Variants in MAST4 observed in about 807,000 individuals in gnomAD.
MAST4 encodes the protein microtubule associated serine/threonine kinase family member 4, also known as microtubule-associated serine/threonine-protein kinase 4.
A neutral mutation model predicts 162.7 loss-of-function variants in MAST4; 89 were observed. That is an observed-to-expected ratio of 0.55 (90% CI 0.46 to 0.65). The LOEUF (loss-of-function observed/expected upper bound fraction) is 0.65, where lower values mean the gene tolerates loss of function less well. Ranked by LOEUF, MAST4 falls within the 30% of genes least tolerant of loss-of-function variation. The probability of loss-of-function intolerance (pLI) is 0.00; values close to 1 mark genes in which losing one functional copy is unlikely to be tolerated. For missense variants in MAST4, 3,153 were observed against 3,374.0 expected, an observed-to-expected ratio of 0.93 and a Z score of 1.62; for synonymous variants, 1,479 against 1,361.1, an observed-to-expected ratio of 1.09 and a Z score of -1.91.
Position 67,163,043 on chromosome 5 carries a change from T to C in MAST4, c.3968-104T>C. 7.6e-7 allele frequency: 1 copy of C among 1,308,628 alleles called. No individual in the cohort carries two copies. The highest frequency in any genetic ancestry group is 1.1e-6 in the Non-Finnish European group (1 of 951,046). The allele number at this position is 1,308,628 out of a possible 1,614,324, so 81.1% of individuals were successfully genotyped here. Reference sequence around the variant, plus strand: ...TCCACTAGCTAAATGCTGAGACAATTTGCTGATCTTACCTGGCCTTACCTA... The same window carrying C: ...TCCACTAGCTAAATGCTGAGACAATCTGCTGATCTTACCTGGCCTTACCTA... On this transcript the variant is annotated intron_variant, in intron 28 of 28. Coordinates refer to ENST00000403625, the MANE Select transcript of MAST4 (RefSeq NM_001164664.2). This position sits in a 1 kb window ranked among gnomAD's most constrained non-coding sequence, Gnocchi z 7.0.
chr5:66,860,394 T>C (rs1248306302), intron 3 of MAST4, among the ~76,000 whole-genome samples: 1 of 152,174 alleles, frequency 6.6e-6, no homozygotes, highest in Non-Finnish European at 1.5e-5. Flanking sequence ...CAATAAAAAA[T>C]GCTATCCTGG....
chr5:67,146,209 G>A (rs1319457718), intron 23 of MAST4, among the ~76,000 whole-genome samples: 1 of 152,188 alleles, frequency 6.6e-6, no homozygotes, highest in African/African-American at 2.4e-5. Flanking sequence ...CTTTTTAAAA[G>A]TTACCTTTGT....
At position 66,897,879 on chromosome 5, in the gene MAST4, CAG is replaced by C. The variant is rs569972104; in HGVS notation, c.643-2069_643-2068del. 2.4e-3 allele frequency among the ~76,000 whole-genome samples: 360 copies of C among 152,318 alleles called. 2 individuals carry two copies. The highest frequency in any genetic ancestry group is 8.2e-3 in the African/African-American group (340 of 41,562). ...TCTTGCTGTTTCAGCAGCTTTTTCT[CAG>C]AGCAAAGCAGCCAGTTTATGCTCAG... On this transcript the variant is annotated intron_variant, in intron 3 of 28. Coordinates refer to ENST00000403625, the MANE Select transcript of MAST4 (RefSeq NM_001164664.2).
intron 26 of MAST4, among the ~76,000 whole-genome samples, chr5:67,154,225 C>T (rs1341347793): frequency 6.6e-6 from 1 of 152,136 alleles, no homozygotes; most frequent in Non-Finnish European, 1.5e-5. Context: ...ACACACTGAT[C>T]CTCTCAGATA....
At chr5:67,020,167 A>G (rs1753800080) in intron 4 of MAST4, among the ~76,000 whole-genome samples, 1 of 152,196 alleles carries the variant, frequency 6.6e-6, no homozygotes, top group East Asian at 1.9e-4. Context: ...CAGATAATTA[A>G]CCATTTAGTG....
chr5:67,128,996 CCTT>C, intron 14 of MAST4, among the ~76,000 whole-genome samples: 1 of 152,312 alleles, frequency 6.6e-6, no homozygotes, highest in Middle Eastern at 3.4e-3. Context: ...TGTTAAGACT[CCTT>C]CTGATTCTCT....
At chr5:67,162,933 G>C in intron 28 of MAST4, 145 bp downstream of exon 28, 1 of 1,019,142 alleles carries the variant, frequency 9.8e-7, no homozygotes, top group Non-Finnish European at 1.4e-6. Context: ...GAGGTCATAA[G>C]ATGTGGCTAT....
intron 1 of MAST4, among the ~76,000 whole-genome samples, chr5:66,687,562 A>C (rs183243819): frequency 2.0e-5 from 3 of 151,586 alleles, no homozygotes; most frequent in Admixed American, 2.0e-4. Context: ...ATACACATGC[A>C]TATATACACA....
At chr5:66,980,803 A>G (rs1228604907) in intron 4 of MAST4, among the ~76,000 whole-genome samples, 1 of 152,194 alleles carries the variant, frequency 6.6e-6, no homozygotes. Context: ...ATTTCCAAGG[A>G]ATCTTCAGTT....
rs548477839 is a variant in MAST4 at position 66,986,600 on chromosome 5, TTA to T, written c.675-67786_675-67785del. 1.7e-3 allele frequency: 362 copies of T among 213,408 alleles called. 1 individual carries two copies. Among genetic ancestry groups the T allele is most frequent in the Middle Eastern group, 5.1e-3 (4 of 784 alleles). The allele number at this position is 213,408 out of a possible 1,614,324, so 13.2% of individuals were successfully genotyped here. A position where few individuals can be genotyped will look rare whatever the true frequency, so the allele number is the denominator to read the frequency against. ...ATATTAAAAATATATATGTATGAAT[TTA>T]TATATATATATATATATTTATTTAT... On this transcript the variant is annotated intron_variant, in intron 4 of 28. Coordinates refer to ENST00000403625, the MANE Select transcript of MAST4 (RefSeq NM_001164664.2).
intron 4 of MAST4, among the ~76,000 whole-genome samples, chr5:66,936,369 G>A (rs115418904): frequency 1.2e-3 from 186 of 152,258 alleles, no homozygotes; most frequent in African/African-American, 4.3e-3. Flanking sequence ...TTTCATGTAC[G>A]TCCCTGTGAA....
intron 3 of MAST4, among the ~76,000 whole-genome samples, chr5:66,813,545 C>T (rs1380640072): frequency 6.6e-6 from 1 of 152,210 alleles, no homozygotes; most frequent in African/African-American, 2.4e-5. Flanking sequence ...TTAGGAAAGG[C>T]AGATGCAGGA....
intron 4 of MAST4, among the ~76,000 whole-genome samples, chr5:67,035,507 G>A (rs1483314958): frequency 6.6e-6 from 1 of 152,142 alleles, no homozygotes; most frequent in Non-Finnish European, 1.5e-5. Flanking sequence ...GTAGCTGCTT[G>A]ATGTAACCTT....
intron 4 of MAST4, among the ~76,000 whole-genome samples, chr5:67,051,522 A>G (rs1309079341): frequency 6.6e-6 from 1 of 152,178 alleles, no homozygotes; most frequent in Admixed American, 6.5e-5. Flanking sequence ...AGTTAAGTGC[A>G]GATTTTAATT....
At chr5:66,817,001 C>T (rs1756760711) in intron 3 of MAST4, among the ~76,000 whole-genome samples, 2 of 152,316 alleles carry the variant, frequency 1.3e-5, no homozygotes, top group South Asian at 4.1e-4. Context: ...TACCCTTACC[C>T]TCTACCCACC....
At chr5:66,757,102 T>C (rs554817568) in intron 1 of MAST4, among the ~76,000 whole-genome samples, 4 of 152,344 alleles carry the variant, frequency 2.6e-5, no homozygotes, top group Admixed American at 2.0e-4. Context: ...AGGAATTATC[T>C]TCTTTCCTCT....
chr5:67,136,175 G>C (rs1769620314), intron 18 of MAST4, among the ~76,000 whole-genome samples: 1 of 152,126 alleles, frequency 6.6e-6, no homozygotes, highest in Non-Finnish European at 1.5e-5. Flanking sequence ...ATAATCCCTG[G>C]ATGGATATAT....
chr5:66,879,005 C>T (rs1366438046), intron 3 of MAST4, among the ~76,000 whole-genome samples: 5 of 152,214 alleles, frequency 3.3e-5, no homozygotes, highest in South Asian at 2.1e-4. Context: ...ATGGGCCGGG[C>T]GTGGTGGCTC....
At chr5:66,748,849 T>C (rs1752953928) in intron 1 of MAST4, among the ~76,000 whole-genome samples, 1 of 151,782 alleles carries the variant, frequency 6.6e-6, no homozygotes, top group Non-Finnish European at 1.5e-5. Context: ...TAATCCAACA[T>C]GACTGTCAGC....
Sources: gnomAD v4.1 joint callset for allele counts (sites outside exome capture counted in the v4.1 genomes callset) on GRCh38, gnomAD v4.1.1 for gene constraint, Gnocchi (gnomAD v3.1) non-coding constraint, MANE v1.5 for transcripts, NCBI Gene and HGNC (gene_info 2026-07-23, HGNC 2026-07-21) for gene names.